The following SF3B3 variants were observed in gnomAD, a reference collection of about 807,000 sequenced individuals.
The protein encoded by SF3B3 is SAP 130.
Under a neutral mutation model 139.2 loss-of-function variants are expected in SF3B3, and 33 were observed. The observed-to-expected ratio is 0.24, with a 90% confidence interval of 0.18 to 0.32. The LOEUF (loss-of-function observed/expected upper bound fraction) is 0.32, where lower values mean the gene tolerates loss of function less well. Ranked by LOEUF, SF3B3 falls within the 10% of genes least tolerant of loss-of-function variation. The pLI is 1.00. For synonymous variants in SF3B3, 596 were observed against 563.6 expected, an observed-to-expected ratio of 1.06 and a Z score of -0.81; for missense variants, 818 against 1,509.4, an observed-to-expected ratio of 0.54 and a Z score of 7.59.
Position 70,565,507 on chromosome 16 carries a change from CTG to C in SF3B3, c.2810_2811del (p.Leu937ArgfsTer34). The C allele has an allele frequency of 6.2e-7, 1 of 1,613,750 alleles. No homozygotes were observed. Among genetic ancestry groups the C allele is most frequent in the Non-Finnish European group, 8.5e-7 (1 of 1,179,802 alleles). ...TYKLVNNGEKLEFLHKTPVEE... is the reference protein window; with the variant it reads ...TYKLVNNGEKXEFLHKTPVEE... ...CAAGCTTGTGAACAATGGGGAAAAA[CTG>C]GAGTTTTTGCACAAGGTAGGAATCT... On this transcript the variant is annotated frameshift_variant, in exon 20 of 26. Coordinates refer to ENST00000302516, the MANE Select transcript of SF3B3 (RefSeq NM_012426.5). LOFTEE classifies it high-confidence loss of function.
At chr16:70,524,312 G>C (rs921799319) in intron 1 of SF3B3, among the ~76,000 whole-genome samples, 2 of 152,278 alleles carry the variant, frequency 1.3e-5, no homozygotes, top group East Asian at 1.9e-4. Flanking sequence ...ACAGTCTTTA[G>C]AGCCAAGACT....
intron 1 of SF3B3, among the ~76,000 whole-genome samples, chr16:70,526,161 A>C (rs1449239106): frequency 6.6e-6 from 1 of 151,954 alleles, no homozygotes; most frequent in Non-Finnish European, 1.5e-5. Context: ...ATGTATGTTA[A>C]TTCTATACTA....
chr16:70,547,040 T>A (rs200528567), intron 10 of SF3B3, among the ~76,000 whole-genome samples: 4,842 of 125,358 alleles, frequency 0.039, 275 homozygotes, highest in African/African-American at 0.13. Flanking sequence ...AAAAAAAAAA[T>A]TTTTTTTTAA....
chr16:70,528,823 G>A (rs561050068), intron 2 of SF3B3, 50 bp from the exon 3 acceptor site: 102 of 1,391,244 alleles, frequency 7.3e-5, no homozygotes, highest in Non-Finnish European at 2.0e-5. Flanking sequence ...TCACCATGGT[G>A]GCCAGGCTGG....
At chr16:70,556,863 T>C (rs752694539) in intron 14 of SF3B3, 23 bp from the exon 15 acceptor site, 4 of 1,613,816 alleles carry the variant, frequency 2.5e-6, no homozygotes, top group Non-Finnish European at 3.4e-6. Context: ...TCTGTGTTTT[T>C]ATGATTTTTC....
rs2050485775 is a variant in SF3B3, at chr16:70,567,280, T to C, written c.2827-131T>C. 13 of 990,810 alleles carry C rather than the reference T, an allele frequency of 1.3e-5. 1 individual carries two copies. The allele number at this position is 990,810 out of a possible 1,614,324, so 61.4% of individuals were successfully genotyped here. ...TGTTCACCCCAACACCCAGATTCAT[T>C]AGCAAAATAAGCTCACTGGTGTGTT... is the stretch of plus-strand genomic sequence containing the variant. On this transcript the variant is annotated intron_variant, in intron 20 of 25. Coordinates refer to ENST00000302516, the MANE Select transcript of SF3B3 (RefSeq NM_012426.5).
intron 3 of SF3B3, among the ~76,000 whole-genome samples, chr16:70,530,127 A>AAAATAAATAAATAAAT (rs148897352): frequency 2.9e-4 from 38 of 133,124 alleles, no homozygotes; most frequent in Non-Finnish European, 3.8e-4. Context: ...CTGCATCTCA[A>AAAATAAATAAATAAAT]AAATAAATAA....
At chr16:70,533,489 A>G (rs961661743) in intron 5 of SF3B3, among the ~76,000 whole-genome samples, 4 of 152,264 alleles carry the variant, frequency 2.6e-5, no homozygotes, top group African/African-American at 9.6e-5. Context: ...GGTTGTAGAT[A>G]GGAAAAGCTA....
Position 70,540,506 on chromosome 16 carries a change from A to G in SF3B3, c.1068-1163A>G, listed in dbSNP as rs7202987. On this transcript the variant is annotated intron_variant, in intron 8 of 25. Transcript: ENST00000302516. ...CTCCCAGGCTCAAGGTGATCCTTCC[A>G]TCTCAGCCTCCCAAGTAGCTGGGAC... is the stretch of plus-strand genomic sequence containing the variant. Among the ~76,000 whole-genome samples, 1,427 of 152,084 alleles carry G rather than the reference A, an allele frequency of 9.4e-3. 26 individuals are homozygous for G. Among genetic ancestry groups the G allele is most frequent in the African/African-American group, 0.033 (1,353 of 41,498 alleles).
At chr16:70,536,558 A>G (rs1443365538) in intron 6 of SF3B3, among the ~76,000 whole-genome samples, 2 of 151,294 alleles carry the variant, frequency 1.3e-5, no homozygotes, top group Admixed American at 1.3e-4. Context: ...TTTTTAGTAA[A>G]GATTGGGTTT....
chr16:70,558,835 G>A (rs191332458), intron 15 of SF3B3, among the ~76,000 whole-genome samples: 17 of 152,322 alleles, frequency 1.1e-4, no homozygotes, highest in African/African-American at 3.8e-4. Context: ...GAGCTCAAGC[G>A]ATCCACCCGC....
At chr16:70,557,114 C>T (rs1182347905) in intron 15 of SF3B3, 85 bp downstream of exon 15, 9 of 1,409,542 alleles carry the variant, frequency 6.4e-6, no homozygotes, top group Non-Finnish European at 8.6e-6. Flanking sequence ...GGGATTTTCT[C>T]TGCCCATGGT....
At chr16:70,546,681 T>A (rs2050271501) in intron 10 of SF3B3, among the ~76,000 whole-genome samples, 1 of 151,714 alleles carries the variant, frequency 6.6e-6, no homozygotes. Flanking sequence ...AACAGAAAAT[T>A]TTTGTATAGT....
chr16:70,536,384 G>A (rs2050166909), intron 6 of SF3B3, among the ~76,000 whole-genome samples: 1 of 151,794 alleles, frequency 6.6e-6, no homozygotes, highest in African/African-American at 2.4e-5. Flanking sequence ...ATTTATTTGA[G>A]ACGGAGTCTC....
chr16:70,571,267 G>A lies in SF3B3; in HGVS notation c.3513+68G>A, dbSNP rs946836786. 34 of 1,180,610 alleles carry A rather than the reference G, an allele frequency of 2.9e-5. 1 individual carries two copies. In the South Asian group the frequency reaches 3.4e-4, roughly 12 times the overall value. The allele number at this position is 1,180,610 out of a possible 1,614,324, so 73.1% of individuals were successfully genotyped here. ...GGAGCAGCACAGGGAGTGGATTGAT[G>A]GGAATAGTACCAGGGAGGGTGCTCC... On this transcript the variant is annotated intron_variant, in intron 25 of 25. Transcript: ENST00000302516.
chr16:70,563,677 C>T, intron 17 of SF3B3, 199 bp from the exon 18 acceptor site: 1 of 544,938 alleles, frequency 1.8e-6, no homozygotes, highest in Admixed American at 3.4e-5. Flanking sequence ...TAGGGTGTTG[C>T]CAAATGGGAA....
At chr16:70,566,627 T>C (rs2050479564) in intron 20 of SF3B3, among the ~76,000 whole-genome samples, 1 of 152,186 alleles carries the variant, frequency 6.6e-6, no homozygotes, top group Non-Finnish European at 1.5e-5. Flanking sequence ...ATTTTTAAAA[T>C]AAAAAGAATA....
At chr16:70,567,605 G>A in intron 21 of SF3B3, 69 bp downstream of exon 21, 1 of 1,527,890 alleles carries the variant, frequency 6.5e-7, no homozygotes. Flanking sequence ...GTGGGGTGGT[G>A]GGCATTGAGT....
intron 15 of SF3B3, among the ~76,000 whole-genome samples, chr16:70,560,091 C>T (rs2050415310): frequency 6.6e-6 from 1 of 152,200 alleles, no homozygotes; most frequent in Admixed American, 6.5e-5. Context: ...CCAAACTAGT[C>T]ATTCCTTTTA....
Sources: gnomAD v4.1 joint callset for allele counts (sites outside exome capture counted in the v4.1 genomes callset) on GRCh38, gnomAD v4.1.1 for gene constraint, MANE v1.5 for transcripts, NCBI Gene and HGNC (gene_info 2026-07-23, HGNC 2026-07-21) for gene names.